CEP83: variants seen among roughly 807,000 people sequenced by gnomAD.
CEP83 encodes centrosomal protein of 83 kDa.
In CEP83, 70 loss-of-function variants were observed where a neutral mutation model predicts 101.9. The ratio of observed to expected loss-of-function variants is 0.69; its 90% CI spans 0.57 to 0.84. CEP83 has a LOEUF of 0.84. CEP83 is among the 40% of genes least tolerant of loss of function. The pLI is 0.00. For missense variants in CEP83, 715 were observed against 787.2 expected, an observed-to-expected ratio of 0.91 and a Z score of 1.10; for synonymous variants, 264 against 267.9, an observed-to-expected ratio of 0.99 and a Z score of 0.14.
chr12:94,280,368 A>T, the CEP83 span, among the ~76,000 whole-genome samples: 3 of 152,350 alleles, frequency 2.0e-5, no homozygotes, highest in East Asian at 5.8e-4. Flanking sequence ...TGGTGGTGAC[A>T]GACAGTGTAA....
chr12:94,310,323 T>A (rs1264883374), intron 15 of CEP83, among the ~76,000 whole-genome samples: 1 of 152,198 alleles, frequency 6.6e-6, no homozygotes, highest in Non-Finnish European at 1.5e-5. Context: ...CAACTCATTA[T>A]AAAGTTTTAT....
At chr12:94,312,771 A>G (rs1970070380) in intron 15 of CEP83, 143 bp downstream of exon 15, 4 of 1,254,684 alleles carry the variant, frequency 3.2e-6, no homozygotes, top group Non-Finnish European at 4.0e-6. Context: ...TAAAAAAAGG[A>G]TAGTACATTA....
At chr12:94,284,689 C>T in the CEP83 span, among the ~76,000 whole-genome samples, 19 of 152,044 alleles carry the variant, frequency 1.2e-4, no homozygotes, top group African/African-American at 3.6e-4. Context: ...GGGCCAGATT[C>T]GGACCTGGAT....
At chr12:94,319,813 A>T (rs992517756) in intron 14 of CEP83, among the ~76,000 whole-genome samples, 6 of 152,206 alleles carry the variant, frequency 3.9e-5, no homozygotes, top group African/African-American at 1.4e-4. Flanking sequence ...AGCAATGAGA[A>T]GAATGTATAT....
At chr12:94,319,104 C>T (rs1004627248) in intron 14 of CEP83, among the ~76,000 whole-genome samples, 1 of 152,196 alleles carries the variant, frequency 6.6e-6, no homozygotes, top group South Asian at 2.1e-4. Flanking sequence ...TTGGTCTGTA[C>T]AGGAAATCAA....
At chr12:94,448,242 G>A (rs1354610103) in intron 1 of CEP83, among the ~76,000 whole-genome samples, 1 of 151,944 alleles carries the variant, frequency 6.6e-6, no homozygotes, top group Non-Finnish European at 1.5e-5. Flanking sequence ...TGAAAACAGG[G>A]TCACTATATC....
At chr12:94,374,994 A>G (rs2137106420) in intron 8 of CEP83, among the ~76,000 whole-genome samples, 1 of 152,276 alleles carries the variant, frequency 6.6e-6, no homozygotes, top group African/African-American at 2.4e-5. Flanking sequence ...ATAAATGTAG[A>G]TCATGCTGCT....
At chr12:94,385,150 C>T (rs1309819331) in intron 6 of CEP83, among the ~76,000 whole-genome samples, 1 of 152,160 alleles carries the variant, frequency 6.6e-6, no homozygotes, top group African/African-American at 2.4e-5. Context: ...GGGAGGGCTT[C>T]TCATGATACC....
the CEP83 span, among the ~76,000 whole-genome samples, chr12:94,284,874 GGTTA>G: frequency 1.3e-5 from 2 of 152,194 alleles, no homozygotes; most frequent in African/African-American, 4.8e-5. Flanking sequence ...GAAGCAGGGA[GGTTA>G]GTATTTCAGA....
chr12:94,438,109 C>G (rs1344098465), intron 1 of CEP83, among the ~76,000 whole-genome samples: 1 of 151,968 alleles, frequency 6.6e-6, no homozygotes, highest in East Asian at 1.9e-4. Context: ...AACCCAGCTA[C>G]TCGGGAGGCA....
downstream of CEP83, chr12:94,303,732 CTTT>C (rs201354613): frequency 6.1e-3 from 5,039 of 831,510 alleles, no homozygotes; most frequent in Admixed American, 0.01. Context: ...GTGATGGTTG[CTTT>C]TTTTTTTTTT....
chr12:94,427,337 G>A (rs1037012426), intron 2 of CEP83, among the ~76,000 whole-genome samples: 3 of 152,198 alleles, frequency 2.0e-5, no homozygotes, highest in African/African-American at 7.2e-5. Context: ...ACATTATCTC[G>A]ATTGGCCTGT....
downstream of CEP83, chr12:94,306,346 T>C (rs1969014339): frequency 6.6e-6 from 1 of 152,214 alleles, no homozygotes; most frequent in Non-Finnish European, 1.5e-5. Flanking sequence ...CTTGGTATCT[T>C]AGTCTTACTA....
chr12:94,399,195 T>G (rs1233428104), intron 6 of CEP83, among the ~76,000 whole-genome samples: 4 of 152,212 alleles, frequency 2.6e-5, no homozygotes, highest in African/African-American at 9.6e-5. Flanking sequence ...TTTGAAATCC[T>G]TAATAAATCT....
intron 1 of CEP83, among the ~76,000 whole-genome samples, chr12:94,443,281 T>G (rs76709944): frequency 0.074 from 10,901 of 147,092 alleles, 430 homozygotes; most frequent in African/African-American, 0.11. Flanking sequence ...ACAACTTTGT[T>G]CATACAGTTA....
intron 11 of CEP83, among the ~76,000 whole-genome samples, chr12:94,348,661 C>T (rs1470522909): frequency 1.3e-5 from 2 of 152,090 alleles, no homozygotes; most frequent in Non-Finnish European, 2.9e-5. Flanking sequence ...TGGTCTGCTG[C>T]CGGTCTGATC....
intron 11 of CEP83, among the ~76,000 whole-genome samples, 188 bp downstream of exon 11, chr12:94,367,606 C>T (rs923293452): frequency 7.2e-5 from 11 of 152,030 alleles, no homozygotes; most frequent in African/African-American, 2.2e-4. Flanking sequence ...AATAGTAATG[C>T]CTGATTTCCT....
At chr12:94,423,997 C>T (rs1014626883) in intron 2 of CEP83, 4 of 1,613,168 alleles carry the variant, frequency 2.5e-6, no homozygotes, top group African/African-American at 2.7e-5. Flanking sequence ...GATGGTCCAT[C>T]CCTGGTGTCA....
intron 2 of CEP83, among the ~76,000 whole-genome samples, chr12:94,417,063 C>T (rs1168182792): frequency 6.6e-6 from 1 of 152,072 alleles, no homozygotes. Context: ...ACTGCAAATC[C>T]CAGCCACTCA....
Sources: gnomAD v4.1 joint callset for allele counts (sites outside exome capture counted in the v4.1 genomes callset) on GRCh38, gnomAD v4.1.1 for gene constraint, MANE v1.5 for transcripts, NCBI Gene and HGNC (gene_info 2026-07-23, HGNC 2026-07-21) for gene names.